EMC1: variants seen among roughly 807,000 people sequenced by gnomAD.
The protein encoded by EMC1 is KIAA0090.
EMC1 carries 103 observed loss-of-function variants against 128.8 expected under a neutral mutation model. The ratio of observed to expected loss-of-function variants is 0.80; its 90% CI spans 0.68 to 0.94. EMC1 has a LOEUF of 0.94. Ranked by LOEUF, EMC1 falls within the 40% of genes least tolerant of loss-of-function variation. EMC1 has a pLI of 0.00. For missense variants in EMC1, 1,083 were observed against 1,250.6 expected, an observed-to-expected ratio of 0.87 and a Z score of 2.02; for synonymous variants, 442 against 490.4, an observed-to-expected ratio of 0.90 and a Z score of 1.30.
chr1:19,237,131 G>C lies in EMC1; in HGVS notation c.1309+11C>G, dbSNP rs1358563712. ...GGAAATAAAAAAATGGGTTGAATGA[G>C]GTCTACTTACCCAACTGCTGCAGGA... On this transcript the variant is annotated intron_variant, in intron 12 of 22. Transcript: ENST00000477853. 1.2e-6 allele frequency: 2 copies of C among 1,602,550 alleles called. No individual in the cohort carries two copies. Among genetic ancestry groups the C allele is most frequent in the Admixed American group, 1.7e-5 (1 of 59,958 alleles).
intron 16 of EMC1, 55 bp downstream of exon 16, chr1:19,231,206 C>A: frequency 6.5e-7 from 1 of 1,534,548 alleles, no homozygotes; most frequent in Non-Finnish European, 8.8e-7. Context: ...GTTTGACCAC[C>A]TGGCCCCAAA....
Position 19,223,533 on chromosome 1 carries a change from T to C in EMC1, c.2239A>G (p.Ser747Gly). The change falls in exon 19 of 23, where the codon AGC becomes GGC. Residue 747 changes from serine (S) to glycine (G), a missense_variant. Coordinates refer to ENST00000477853, the MANE Select transcript of EMC1 (RefSeq NM_015047.3). Reference protein sequence around the residue: ...NPNLLAVVTESTDAHHERTFI... With the variant: ...NPNLLAVVTEGTDAHHERTFI... The stretch of plus-strand genomic sequence containing the variant: ...GTGCGCTCATGGTGCGCGTCTGTGC[T>C]CTCTGTCACCACGGCCAGCAGGTTG... The C allele has an allele frequency of 3.7e-6, 6 of 1,614,092 alleles. No homozygotes were observed. The highest frequency in any genetic ancestry group is 4.2e-6 in the Non-Finnish European group (5 of 1,180,014).
intron 17 of EMC1, among the ~76,000 whole-genome samples, chr1:19,228,529 C>A (rs1039701845): frequency 6.6e-6 from 1 of 152,088 alleles, no homozygotes; most frequent in African/African-American, 2.4e-5. Context: ...GGCACAAGGG[C>A]CTTCTAGGAG....
At chr1:19,219,545 AGG>A (rs2093415392) in intron 22 of EMC1, 22 bp downstream of exon 22, 1 of 1,613,918 alleles carries the variant, frequency 6.2e-7, no homozygotes, top group African/African-American at 1.3e-5. Context: ...AGGGTGAAAT[AGG>A]GCAGCTGTGG....
Position 19,244,973 on chromosome 1 carries a change from G to T in EMC1, c.153C>A (p.Ser51=). The T allele has an allele frequency of 6.2e-7, 1 of 1,613,872 alleles. No individual in the cohort carries two copies. Among genetic ancestry groups the T allele is most frequent in the African/African-American group, 1.3e-5 (1 of 74,998 alleles). ...TCTCTGTGGCTACAACCAACTTCTT[G>T]GATCCAGGGGAAAATTCCAAGGAGG... is the stretch of plus-strand genomic sequence containing the variant. ...KFASLEFSPG[S]KKLVVATEKN... is the part of the protein sequence containing the mutation. Residue 51 remains serine (S), a synonymous_variant, in exon 2 of 23, where the codon TCC becomes TCA. Transcript: ENST00000477853.
In EMC1 at chr1:19,238,108, G is replaced by A. The variant is rs1448409780; in HGVS notation, c.1121C>T (p.Thr374Ile). ...DSLACFNQTY[T>I]INLYLVETGR... is the part of the protein sequence containing the mutation. ...TGTCTCCACGAGGTATAGGTTAATG[G>A]TGTAGGTCTGATTGAAGCAAGCCAG... is the stretch of plus-strand genomic sequence containing the variant. The change falls in exon 11 of 23, where the codon ACC (threonine) becomes ATC (isoleucine). Residue 374 changes from threonine to isoleucine, a missense_variant. Around this residue, in one of 3 missense-constraint regions of EMC1, gnomAD observed 544 missense variants for 572.4 expected, o/e 0.95. Transcript: ENST00000477853. The A allele has an allele frequency of 3.1e-6, 5 of 1,614,072 alleles. No homozygotes were observed. Among genetic ancestry groups the A allele is most frequent in the Non-Finnish European group, 3.4e-6 (4 of 1,180,040 alleles).
chr1:19,218,829 T>C lies in EMC1; in HGVS notation c.*474A>G, dbSNP rs1214156398. 1 of 164,110 alleles carries C rather than the reference T, an allele frequency of 6.1e-6. No homozygotes were observed. Among genetic ancestry groups the C allele is most frequent in the Admixed American group, 5.7e-5 (1 of 17,612 alleles). 10.2% of individuals were successfully genotyped at this position (164,110 alleles called of 1,614,324 possible). A position where few individuals can be genotyped will look rare whatever the true frequency, so the allele number is the denominator to read the frequency against. The stretch of plus-strand genomic sequence containing the variant: ...TTTCTTCCCAGTGCAAAACACCAAA[T>C]GTACCTATAAGGTGGAGTCGGCAAG... On this transcript the variant is annotated 3_prime_UTR_variant, in exon 23 of 23. Transcript: ENST00000477853.
chr1:19,232,795 G>C, intron 14 of EMC1, 22 bp from the exon 15 acceptor site: 1 of 1,613,892 alleles, frequency 6.2e-7, no homozygotes, highest in Non-Finnish European at 8.5e-7. Flanking sequence ...ACAAATACTT[G>C]GCTCACTACT....
Position 19,238,139 on chromosome 1 carries a change from C to T in EMC1, c.1090G>A (p.Asp364Asn), listed in dbSNP as rs773174389. Reference sequence around the variant, plus strand: ...GTCTGATTGAAGCAAGCCAGAGAGTCCTAGGAGTACAGACAGCACGTGTCA... The same window carrying T: ...GTCTGATTGAAGCAAGCCAGAGAGTTCTAGGAGTACAGACAGCACGTGTCA... ...GSFSEKSSSK[D>N]SLACFNQTYT... Residue 364 changes from aspartate (D) to asparagine (N), a missense_variant and splice_region_variant, in exon 11 of 23, where the codon GAC (aspartate) becomes AAC (asparagine). By Grantham distance (23) the Asp-to-Asn change is conservative. Transcript: ENST00000477853. The T allele has an allele frequency of 6.2e-7, 1 of 1,613,150 alleles. No individual in the cohort carries two copies. The highest frequency in any genetic ancestry group is 8.5e-7 in the Non-Finnish European group (1 of 1,179,726).
chr1:19,219,945 A>G, intron 21 of EMC1: 1 of 483,080 alleles, frequency 2.1e-6, no homozygotes, highest in Non-Finnish European at 3.7e-6. Flanking sequence ...AAAAGAAAGA[A>G]CATACAGATG....
Position 19,240,355 on chromosome 1 carries a change from C to G in EMC1, c.728G>C (p.Arg243Pro). ...AVLVCPDPSS[R>P]SLQTLALETE... ...CTCCAGAGCCAAAGTTTGGAGGGAA[C>G]GTGAGCTCGGGTCAGGACACACCAG... Residue 243 changes from arginine to proline, a missense_variant, in exon 7 of 23, where the codon CGT (arginine) becomes CCT (proline). Arg to Pro is a moderately radical substitution (Grantham distance 103). Around this residue, in one of 3 missense-constraint regions of EMC1, gnomAD observed 544 missense variants for 572.4 expected, o/e 0.95. Coordinates refer to ENST00000477853, the MANE Select transcript of EMC1 (RefSeq NM_015047.3). The G allele has an allele frequency of 6.2e-7, 1 of 1,614,208 alleles. No individual in the cohort carries two copies. Among genetic ancestry groups the G allele is most frequent in the Non-Finnish European group, 8.5e-7 (1 of 1,180,036 alleles).
intron 11 of EMC1, 94 bp downstream of exon 11, chr1:19,237,923 A>C (rs2093578030): frequency 6.7e-7 from 1 of 1,487,202 alleles, no homozygotes; most frequent in Non-Finnish European, 9.0e-7. Flanking sequence ...AGAGAGCCTA[A>C]TCCAAGCCCC....
intron 2 of EMC1, 89 bp downstream of exon 2, chr1:19,244,817 C>T: frequency 5.3e-6 from 8 of 1,506,648 alleles, no homozygotes; most frequent in Non-Finnish European, 7.3e-6. Context: ...CCAACATGTT[C>T]CTTATTCAGG....
intron 11 of EMC1, 113 bp downstream of exon 11, chr1:19,237,904 C>T: frequency 7.4e-7 from 1 of 1,358,954 alleles, no homozygotes; most frequent in Non-Finnish European, 9.9e-7. Context: ...AGCACTAGAA[C>T]ACATGTTTAG....
chr1:19,242,529 G>A (rs546374043), intron 4 of EMC1, 56 bp from the exon 5 acceptor site: 106 of 1,607,216 alleles, frequency 6.6e-5, no homozygotes, highest in East Asian at 6.5e-4. Context: ...CAGGCTGGGA[G>A]AGACAGTCCA....
At chr1:19,239,345 C>A (rs368741103) in intron 8 of EMC1, 43 bp from the exon 9 acceptor site, 4 of 1,561,758 alleles carry the variant, frequency 2.6e-6, no homozygotes, top group Non-Finnish European at 3.5e-6. Flanking sequence ...GGGACCAGTA[C>A]TAGCCAGCTG....
intron 9 of EMC1, 50 bp from the exon 10 acceptor site, chr1:19,238,907 C>T (rs1012840310): frequency 7.9e-7 from 1 of 1,264,132 alleles, no homozygotes; most frequent in South Asian, 1.2e-5. Context: ...GGTCACTTCC[C>T]AGTCACTGAA....
At position 19,223,523 on chromosome 1, in the gene EMC1, G is replaced by A. The variant is rs149268308; in HGVS notation, c.2249C>T (p.Ala750Val). 5.4e-5 allele frequency: 87 copies of A among 1,614,152 alleles called. 1 individual carries two copies. The highest frequency in any genetic ancestry group is 5.1e-4 in the African/African-American group (38 of 75,042). ...LLAVVTESTD[A>V]HHERTFIGIF... The stretch of plus-strand genomic sequence containing the variant: ...GCCAATAAAGGTGCGCTCATGGTGC[G>A]CGTCTGTGCTCTCTGTCACCACGGC... Residue 750 changes from alanine to valine, a missense_variant, in exon 19 of 23, where the codon GCG (alanine) becomes GTG (valine). This residue lies in a region of EMC1 where 527 missense variants were observed against 644.1 expected (regional missense o/e 0.82). Coordinates refer to ENST00000477853, the MANE Select transcript of EMC1 (RefSeq NM_015047.3).
At position 19,245,040 on chromosome 1, in the gene EMC1, A is replaced by G; in HGVS notation, c.96-10T>C. 1 of 1,613,608 alleles carries G rather than the reference A, an allele frequency of 6.2e-7. No homozygotes were observed. The highest frequency in any genetic ancestry group is 8.5e-7 in the Non-Finnish European group (1 of 1,179,662). ...AACATATTGCTGTCTCCTGAGAAAA[A>G]AAGAGTACAGGGGACCATAAGGAGC... On this transcript the variant is annotated splice_polypyrimidine_tract_variant and intron_variant, in intron 1 of 22. Transcript: ENST00000477853.
Sources: gnomAD v4.1 joint callset for allele counts (sites outside exome capture counted in the v4.1 genomes callset) on GRCh38, gnomAD v4.1.1 for gene constraint, gnomAD v4.1.1 regional missense constraint, MANE v1.5 for transcripts, NCBI Gene and HGNC (gene_info 2026-07-23, HGNC 2026-07-21) for gene names.